The following ACVR2A variants were observed in gnomAD, a reference collection of about 807,000 sequenced individuals.
The protein encoded by ACVR2A is activin A receptor type 2A, also known as activin receptor type-2A.
ACVR2A carries 7 observed loss-of-function variants against 61.4 expected under a neutral mutation model. The observed-to-expected ratio is 0.11, with a 90% CI of 0.06 to 0.21. ACVR2A has a LOEUF of 0.21. Among genes scored for constraint, ACVR2A ranks in the 10% least tolerant of loss-of-function variants. The pLI, the probability that ACVR2A is intolerant of heterozygous loss-of-function variation, is 1.00. For missense variants in ACVR2A, 322 were observed against 621.7 expected, an observed-to-expected ratio of 0.52 and a Z score of 5.13; for synonymous variants, 193 against 208.3, an observed-to-expected ratio of 0.93 and a Z score of 0.63.
intron 4 of ACVR2A, among the ~76,000 whole-genome samples, chr2:147,914,914 T>C (rs1219166208): frequency 6.6e-6 from 1 of 151,984 alleles, no homozygotes; most frequent in African/African-American, 2.4e-5. Context: ...GGAATATTAC[T>C]GAGACTGATC....
At chr2:147,876,563 CAT>C (rs2105164342) in intron 1 of ACVR2A, among the ~76,000 whole-genome samples, 1 of 152,206 alleles carries the variant, frequency 6.6e-6, no homozygotes, top group Admixed American at 6.5e-5. Context: ...CACCTAGGGA[CAT>C]AATTCTCATC....
intron 4 of ACVR2A, among the ~76,000 whole-genome samples, chr2:147,912,280 T>G (rs755757016): frequency 6.6e-6 from 1 of 151,980 alleles, no homozygotes; most frequent in Non-Finnish European, 1.5e-5. Flanking sequence ...ATACCATAAT[T>G]TTTACATATA....
intron 1 of ACVR2A, among the ~76,000 whole-genome samples, chr2:147,851,476 T>C (rs568801281): frequency 2.6e-5 from 4 of 152,282 alleles, no homozygotes; most frequent in Non-Finnish European, 5.9e-5. Flanking sequence ...CTCCTCAGCC[T>C]GAGTACTATA....
intron 1 of ACVR2A, among the ~76,000 whole-genome samples, chr2:147,845,447 T>G (rs1023606156): frequency 2.7e-5 from 4 of 149,856 alleles, no homozygotes; most frequent in Non-Finnish European, 5.9e-5. Flanking sequence ...GTGAGTGCTG[T>G]GTTGTTGTGG....
chr2:147,871,014 T>G (rs1347248242), intron 1 of ACVR2A, among the ~76,000 whole-genome samples: 1 of 152,126 alleles, frequency 6.6e-6, no homozygotes, highest in Non-Finnish European at 1.5e-5. Flanking sequence ...TTGATATGTT[T>G]GATATTCAGA....
At chr2:147,864,376 C>T (rs552075471) in intron 1 of ACVR2A, among the ~76,000 whole-genome samples, 76 of 152,100 alleles carry the variant, frequency 5.0e-4, no homozygotes, top group Middle Eastern at 3.4e-3. Context: ...ATTACATGCG[C>T]GCTCTACAAC....
chr2:147,875,877 A>G (rs559519892), intron 1 of ACVR2A, among the ~76,000 whole-genome samples: 1 of 152,116 alleles, frequency 6.6e-6, no homozygotes, highest in Non-Finnish European at 1.5e-5. Context: ...AAAAAGGAAG[A>G]TCATAGGACA....
At chr2:147,870,283 C>G (rs929993583) in intron 1 of ACVR2A, among the ~76,000 whole-genome samples, 3 of 152,118 alleles carry the variant, frequency 2.0e-5, no homozygotes, top group African/African-American at 7.2e-5. Flanking sequence ...CTATTTTTTC[C>G]TCTCTTTAAT....
chr2:147,875,242 T>C (rs1232695794), intron 1 of ACVR2A, among the ~76,000 whole-genome samples: 2 of 151,986 alleles, frequency 1.3e-5, no homozygotes, highest in African/African-American at 4.8e-5. Context: ...CCCATAATAC[T>C]CTTTTCCATC....
At chr2:147,893,150 G>A (rs977654200) in intron 1 of ACVR2A, among the ~76,000 whole-genome samples, 1 of 152,084 alleles carries the variant, frequency 6.6e-6, no homozygotes, top group Admixed American at 6.5e-5. Flanking sequence ...TATGTAAATG[G>A]AATCATACGG....
intron 1 of ACVR2A, among the ~76,000 whole-genome samples, chr2:147,885,172 A>G (rs985588308): frequency 2.0e-5 from 3 of 152,128 alleles, no homozygotes; most frequent in South Asian, 2.1e-4. Flanking sequence ...GGCACTGATG[A>G]TACTTCATCT....
rs1199231463 is a variant in ACVR2A, at chr2:147,913,172, A to T, written c.529-2019A>T. ...ACTAAAATCATAGTTTGAATTGCTG[A>T]CATATTAATTGTGGATTAAATAATC... On this transcript the variant is annotated intron_variant, in intron 4 of 10. Coordinates refer to ENST00000241416, the MANE Select transcript of ACVR2A (RefSeq NM_001616.5). Among the ~76,000 whole-genome samples, 4 of 151,992 alleles carry T rather than the reference A, an allele frequency of 2.6e-5. No individual in the cohort carries two copies. In the East Asian group the frequency reaches 7.7e-4, roughly 29 times the overall value.
At chr2:147,889,936 C>T (rs1686542066) in intron 1 of ACVR2A, among the ~76,000 whole-genome samples, 1 of 150,898 alleles carries the variant, frequency 6.6e-6, no homozygotes, top group Non-Finnish European at 1.5e-5. Context: ...TGTGATTAGA[C>T]TTACTGATTT....
chr2:147,892,244 A>G (rs965590435), intron 1 of ACVR2A, among the ~76,000 whole-genome samples: 2 of 152,014 alleles, frequency 1.3e-5, no homozygotes, highest in African/African-American at 4.8e-5. Flanking sequence ...TGCTGGCATT[A>G]CAGATGTGAG....
chr2:147,864,386 C>A (rs368556148), intron 1 of ACVR2A, among the ~76,000 whole-genome samples: 2 of 152,164 alleles, frequency 1.3e-5, no homozygotes, highest in East Asian at 3.9e-4. Context: ...CGCTCTACAA[C>A]GCCCCGCTAA....
intron 8 of ACVR2A, 94 bp from the exon 9 acceptor site, chr2:147,922,879 T>C: frequency 7.5e-7 from 1 of 1,337,206 alleles, no homozygotes; most frequent in Non-Finnish European, 1.0e-6. Context: ...ACCCTGGTAA[T>C]AGACCACATT....
At chr2:147,885,411 T>G (rs1238693606) in intron 1 of ACVR2A, among the ~76,000 whole-genome samples, 1 of 152,114 alleles carries the variant, frequency 6.6e-6, no homozygotes, top group Non-Finnish European at 1.5e-5. Context: ...TAAAAGGGTA[T>G]AGTAAAAAGT....
chr2:147,844,836 T>C (rs1685257723), upstream of ACVR2A: 2 of 243,844 alleles, frequency 8.2e-6, no homozygotes, highest in East Asian at 8.8e-5. Context: ...CGAGCGGAGC[T>C]GACAGTGATT....
At chr2:147,862,273 C>G (rs1398194083) in intron 1 of ACVR2A, among the ~76,000 whole-genome samples, 2 of 151,434 alleles carry the variant, frequency 1.3e-5, no homozygotes, top group Non-Finnish European at 2.9e-5. Flanking sequence ...AACTCTAATT[C>G]TAGGGCAGAT....
Sources: gnomAD v4.1 joint callset for allele counts (sites outside exome capture counted in the v4.1 genomes callset) on GRCh38, gnomAD v4.1.1 for gene constraint, MANE v1.5 for transcripts, NCBI Gene and HGNC (gene_info 2026-07-23, HGNC 2026-07-21) for gene names.